SHROOM3: variants seen among roughly 807,000 people sequenced by gnomAD.
The protein encoded by SHROOM3 is shroom family member 3.
A neutral mutation model predicts 138.6 loss-of-function variants in SHROOM3; 47 were observed. The ratio of observed to expected loss-of-function variants is 0.34; its 90% CI spans 0.27 to 0.43. The LOEUF (loss-of-function observed/expected upper bound fraction) is 0.43. SHROOM3 is among the 20% of genes least tolerant of loss of function. SHROOM3 has a pLI of 1.00. For synonymous variants in SHROOM3, 1,062 were observed against 1,063.3 expected (o/e 1.00, Z 0.02); for missense variants, 2,491 against 2,596.5 (o/e 0.96, Z 0.88).
At chr4:76,755,575 T>C (rs749276367) in intron 7 of SHROOM3, among the ~76,000 whole-genome samples, 8 of 152,188 alleles carry the variant, frequency 5.3e-5, no homozygotes, top group Non-Finnish European at 1.2e-4. Flanking sequence ...TTAAAGAATA[T>C]GGCTTCAGAT....
intron 2 of SHROOM3, among the ~76,000 whole-genome samples, chr4:76,649,037 T>G (rs1221947597): frequency 5.3e-5 from 8 of 152,136 alleles, no homozygotes; most frequent in African/African-American, 1.9e-4. Flanking sequence ...TAGCAGAGAA[T>G]GTGTTGGATA....
intron 2 of SHROOM3, among the ~76,000 whole-genome samples, chr4:76,701,495 C>T (rs1719900396): frequency 1.3e-5 from 2 of 152,180 alleles, no homozygotes; most frequent in Admixed American, 1.3e-4. Flanking sequence ...ATAAATAATA[C>T]TTGCTTTACT....
chr4:76,526,198 C>T (rs1446996169), intron 1 of SHROOM3, among the ~76,000 whole-genome samples: 2 of 152,134 alleles, frequency 1.3e-5, no homozygotes, highest in African/African-American at 4.8e-5. Flanking sequence ...GAAACCCCAT[C>T]TCTACTAAAA....
chr4:76,517,056 C>T (rs1579206862), intron 1 of SHROOM3, among the ~76,000 whole-genome samples: 1 of 152,326 alleles, frequency 6.6e-6, no homozygotes, highest in African/African-American at 2.4e-5. Flanking sequence ...CTTTCTCAGT[C>T]TTACAATGGG....
At chr4:76,655,643 T>C (rs1736050829) in intron 2 of SHROOM3, among the ~76,000 whole-genome samples, 2 of 152,174 alleles carry the variant, frequency 1.3e-5, no homozygotes, top group South Asian at 4.1e-4. Flanking sequence ...AAAAACAAGA[T>C]ACAACACTGT....
chr4:76,732,738 AG>A (rs1720922792), intron 4 of SHROOM3, among the ~76,000 whole-genome samples: 1 of 152,216 alleles, frequency 6.6e-6, no homozygotes, highest in Non-Finnish European at 1.5e-5. Context: ...CATAGTGGTA[AG>A]GGACTGGGCC....
intron 1 of SHROOM3, among the ~76,000 whole-genome samples, chr4:76,468,979 A>G (rs1731307609): frequency 6.6e-6 from 1 of 151,080 alleles, no homozygotes; most frequent in Non-Finnish European, 1.5e-5. Context: ...GCTTGCAGTG[A>G]GCTGAGATGG....
intron 1 of SHROOM3, among the ~76,000 whole-genome samples, chr4:76,538,762 G>T (rs1733037246): frequency 6.6e-6 from 1 of 151,920 alleles, no homozygotes; most frequent in African/African-American, 2.4e-5. Context: ...CTACTCATTT[G>T]GCCATATCTG....
intron 2 of SHROOM3, among the ~76,000 whole-genome samples, chr4:76,583,007 A>C (rs1734080795): frequency 6.6e-6 from 1 of 152,230 alleles, no homozygotes; most frequent in Non-Finnish European, 1.5e-5. Flanking sequence ...AGAAGTCAAG[A>C]TGTTTGTGAG....
chr4:76,438,466 A>C (rs1333059451), intron 1 of SHROOM3, among the ~76,000 whole-genome samples: 3 of 152,232 alleles, frequency 2.0e-5, no homozygotes, highest in Admixed American at 2.0e-4. Context: ...TGAAGTAAAA[A>C]ATTTTAAACT....
intron 2 of SHROOM3, among the ~76,000 whole-genome samples, chr4:76,600,247 T>C (rs1355008201): frequency 6.6e-6 from 1 of 152,204 alleles, no homozygotes; most frequent in African/African-American, 2.4e-5. Flanking sequence ...TAGATGCTGA[T>C]TGTATATCAC....
intron 2 of SHROOM3, among the ~76,000 whole-genome samples, chr4:76,597,402 G>T (rs932628514): frequency 7.2e-5 from 11 of 152,188 alleles, no homozygotes; most frequent in African/African-American, 2.7e-4. Flanking sequence ...CCCTTGGAAG[G>T]TGGAAATATG....
At position 76,756,693 on chromosome 4, in the gene SHROOM3, G is replaced by A; in HGVS notation, c.4954G>A (p.Glu1652Lys). 1 of 1,614,102 alleles carries A rather than the reference G, an allele frequency of 6.2e-7. No individual in the cohort carries two copies. Among genetic ancestry groups the A allele is most frequent in the Non-Finnish European group, 8.5e-7 (1 of 1,180,028 alleles). ...TCCAGTCAGTGGAACTCAGGGTTTA[G>A]AAAAGAAAGTCAGTCCTGATCCTCA... The part of the protein sequence containing the change: ...HDPVSGTQGL[E>K]KKVSPDPQKS... The change falls in exon 8 of 11, where the codon GAA (glutamate) becomes AAA (lysine). Residue 1652 changes from glutamate (E) to lysine (K), a missense_variant. Glu to Lys is a moderately conservative substitution (Grantham distance 56). Around this residue, in one of 4 missense-constraint regions of SHROOM3, gnomAD observed 470 missense variants for 595.0 expected, o/e 0.79. Transcript: ENST00000296043.
At chr4:76,744,978 A>T (rs1721389291) in intron 5 of SHROOM3, among the ~76,000 whole-genome samples, 1 of 152,258 alleles carries the variant, frequency 6.6e-6, no homozygotes, top group South Asian at 2.1e-4. Flanking sequence ...GCAGGAGGCT[A>T]CCATTTTGAA....
intron 2 of SHROOM3, among the ~76,000 whole-genome samples, chr4:76,569,751 G>A (rs553139908): frequency 2.7e-5 from 4 of 150,868 alleles, no homozygotes; most frequent in South Asian, 2.1e-4. Context: ...GCATCAAAAC[G>A]GCTGTGGTGT....
At chr4:76,506,006 A>G (rs1286321410) in intron 1 of SHROOM3, among the ~76,000 whole-genome samples, 1 of 152,152 alleles carries the variant, frequency 6.6e-6, no homozygotes, top group Non-Finnish European at 1.5e-5. Flanking sequence ...CTGGATAAAA[A>G]AATGTGGCAC....
At chr4:76,661,282 G>A (rs1174874983) in intron 2 of SHROOM3, among the ~76,000 whole-genome samples, 1 of 151,306 alleles carries the variant, frequency 6.6e-6, no homozygotes, top group Non-Finnish European at 1.5e-5. Context: ...CCAGGCTGGA[G>A]TGCAATGGCG....
At chr4:76,506,197 G>A (rs531013327) in intron 1 of SHROOM3, among the ~76,000 whole-genome samples, 2 of 151,878 alleles carry the variant, frequency 1.3e-5, no homozygotes, top group South Asian at 2.1e-4. Flanking sequence ...ACACGGGTTG[G>A]GGGGAGGGCA....
chr4:76,674,399 C>T (rs535883752), intron 2 of SHROOM3, among the ~76,000 whole-genome samples: 1 of 152,202 alleles, frequency 6.6e-6, no homozygotes, highest in South Asian at 2.1e-4. Flanking sequence ...ATCCTTGAAT[C>T]TTTAGCCACC....
Sources: gnomAD v4.1 joint callset for allele counts (sites outside exome capture counted in the v4.1 genomes callset) on GRCh38, gnomAD v4.1.1 for gene constraint, gnomAD v4.1.1 regional missense constraint, MANE v1.5 for transcripts, NCBI Gene and HGNC (gene_info 2026-07-23, HGNC 2026-07-21) for gene names.